SV2B: variants seen among roughly 807,000 people sequenced by gnomAD.
SV2B encodes solute carrier family 22 member B2.
In SV2B, 41 loss-of-function variants were observed where a neutral mutation model predicts 73.9. The ratio of observed to expected loss-of-function variants is 0.56; its 90% CI spans 0.43 to 0.72. The LOEUF (loss-of-function observed/expected upper bound fraction) is 0.72. SV2B is among the 30% of genes least tolerant of loss of function. SV2B has a pLI of 0.00. For synonymous variants in SV2B, 314 were observed against 314.2 expected (o/e 1.00, Z 0.01); for missense variants, 764 against 857.8 (o/e 0.89, Z 1.37).
chr15:91,240,927 C>G lies in SV2B; in HGVS notation c.452-10892C>G, dbSNP rs1314064705. Among the ~76,000 whole-genome samples the G allele has an allele frequency of 6.6e-6, 1 of 152,162 alleles. No individual in the cohort carries two copies. Among genetic ancestry groups the G allele is most frequent in the Non-Finnish European group, 1.5e-5 (1 of 68,024 alleles). Reference sequence around the variant, plus strand: ...CTTGCTCCCCCTGGACATTTCCAGGCCATTCTCCCTCTCTCCTCACTAAAA... The same window carrying G: ...CTTGCTCCCCCTGGACATTTCCAGGGCATTCTCCCTCTCTCCTCACTAAAA... On this transcript the variant is annotated intron_variant, in intron 2 of 12. Coordinates refer to ENST00000394232, the MANE Select transcript of SV2B (RefSeq NM_001323032.3). The surrounding 1 kb of genome is among the most constrained non-coding windows in gnomAD (Gnocchi z 4.6).
Position 91,201,009 on chromosome 15 carries a change from T to C in SV2B, c.-391-24864T>C, listed in dbSNP as rs138741379. 3.8e-3 allele frequency among the ~76,000 whole-genome samples: 574 copies of C among 152,358 alleles called. 11 individuals are homozygous for C. The highest frequency in any genetic ancestry group is 2.3e-3 in the Non-Finnish European group (155 of 68,036). The stretch of plus-strand genomic sequence containing the variant: ...CAGTATCTGAAAGGATTAATACATG[T>C]GTCATAAGATAACCATTTTATGTTT... On this transcript the variant is annotated intron_variant, in intron 1 of 12. Coordinates refer to ENST00000394232, the MANE Select transcript of SV2B (RefSeq NM_001323032.3).
In SV2B at chr15:91,290,505, A is replaced by G. The variant is rs1463853148; in HGVS notation, c.1868+825A>G. ...TGATTTTACATCTAGGAATCCTAAG[A>G]GAATTAACTTATGAGACCACTATAG... On this transcript the variant is annotated intron_variant, in intron 12 of 12. Coordinates refer to ENST00000394232, the MANE Select transcript of SV2B (RefSeq NM_001323032.3). The surrounding 1 kb of genome is among the most constrained non-coding windows in gnomAD (Gnocchi z 4.7). Among the ~76,000 whole-genome samples, 1 of 152,240 alleles carries G rather than the reference A, an allele frequency of 6.6e-6. No homozygotes were observed. The highest frequency in any genetic ancestry group is 1.5e-5 in the Non-Finnish European group (1 of 68,038).
At chr15:91,117,556 C>T (rs553541071) in intron 1 of SV2B, among the ~76,000 whole-genome samples, 1 of 152,350 alleles carries the variant, frequency 6.6e-6, no homozygotes, top group East Asian at 1.9e-4. Context: ...CTCATCTCTC[C>T]ACCAGATGCT....
chr15:91,252,621 A>G lies in SV2B; in HGVS notation c.784+101A>G, dbSNP rs2047533859. 3.2e-6 allele frequency: 4 copies of G among 1,267,402 alleles called. No individual in the cohort carries two copies. The highest frequency in any genetic ancestry group is 3.6e-5 in the Admixed American group (1 of 27,994). 78.5% of individuals were successfully genotyped at this position (1,267,402 alleles called of 1,614,324 possible). ...AGCCTTATTCCATGTACTCACGCAC[A>G]GTTCCCGTACGTGACCTTGATCTTT... On this transcript the variant is annotated intron_variant, in intron 4 of 12. Transcript: ENST00000394232. This position sits in a 1 kb window ranked among gnomAD's most constrained non-coding sequence, Gnocchi z 4.6.
At position 91,110,136 on chromosome 15, in the gene SV2B, G is replaced by T. The variant is rs2151726540; in HGVS notation, c.-392+9773G>T. ...GCTCATTTATCCATTAACGTGTTCTGTTCCTTCTTCTTAGCAGTGTTCATT... is the reference window on the plus strand; with the variant it reads ...GCTCATTTATCCATTAACGTGTTCTTTTCCTTCTTCTTAGCAGTGTTCATT... On this transcript the variant is annotated intron_variant, in intron 1 of 12. Transcript: ENST00000394232. This position sits in a 1 kb window ranked among gnomAD's most constrained non-coding sequence, Gnocchi z 5.4. 6.6e-6 allele frequency among the ~76,000 whole-genome samples: 1 copy of T among 152,286 alleles called. No individual in the cohort carries two copies. Among genetic ancestry groups the T allele is most frequent in the East Asian group, 1.9e-4 (1 of 5,180 alleles).
intron 1 of SV2B, among the ~76,000 whole-genome samples, chr15:91,218,371 G>A: frequency 6.6e-6 from 1 of 152,178 alleles, no homozygotes; most frequent in East Asian, 1.9e-4. Flanking sequence ...TACTTTAGAG[G>A]AAAGTCAGAA....
chr15:91,196,543 T>C (rs2045251606), intron 1 of SV2B, among the ~76,000 whole-genome samples: 1 of 152,110 alleles, frequency 6.6e-6, no homozygotes, highest in Non-Finnish European at 1.5e-5. Context: ...TATGGCTGGA[T>C]ATAAGATGGA....
chr15:91,179,067 T>C (rs1311544813), intron 1 of SV2B, among the ~76,000 whole-genome samples: 1 of 151,964 alleles, frequency 6.6e-6, no homozygotes, highest in Non-Finnish European at 1.5e-5. Flanking sequence ...GCTTTGAATG[T>C]GTCCCAGAGA....
chr15:91,212,978 TA>T (rs34863204), intron 1 of SV2B, among the ~76,000 whole-genome samples: 4,056 of 126,994 alleles, frequency 0.032, 114 homozygotes, highest in East Asian at 0.13. Flanking sequence ...CTGTCTCTAC[TA>T]AAAAAAAAAA....
In SV2B at chr15:91,285,333, C is replaced by A. The variant is rs553760304; in HGVS notation, c.1708+1112C>A. Among the ~76,000 whole-genome samples the A allele has an allele frequency of 8.5e-5, 13 of 152,328 alleles. No individual in the cohort carries two copies. The South Asian group carries it at 2.5e-3, about 29-fold the overall frequency. On this transcript the variant is annotated intron_variant, in intron 11 of 12. Coordinates refer to ENST00000394232, the MANE Select transcript of SV2B (RefSeq NM_001323032.3). ...ACTTCATGCTCTCCTCTATTAGAGG[C>A]AGTGCCTGGGTAGTCTTGAGGCCCT... is the stretch of plus-strand genomic sequence containing the variant.
chr15:91,191,698 C>A (rs868154774), intron 1 of SV2B, among the ~76,000 whole-genome samples: 3 of 152,180 alleles, frequency 2.0e-5, no homozygotes, highest in African/African-American at 7.2e-5. Flanking sequence ...AATTTTTCTC[C>A]TGCATAACCT....
rs891176838 is a variant in SV2B, at chr15:91,227,357, C to T, written c.451+643C>T. ...ATTAAGAGATCAGCACCATCAGAGC[C>T]AAGCATCAGCATCAGGCTGAGGCAG... On this transcript the variant is annotated intron_variant, in intron 2 of 12. Coordinates refer to ENST00000394232, the MANE Select transcript of SV2B (RefSeq NM_001323032.3). The surrounding 1 kb of genome is among the most constrained non-coding windows in gnomAD (Gnocchi z 4.5). Among the ~76,000 whole-genome samples, 10 of 152,278 alleles carry T rather than the reference C, an allele frequency of 6.6e-5. No individual in the cohort carries two copies. Among genetic ancestry groups the T allele is most frequent in the Middle Eastern group, 6.8e-3 (2 of 294 alleles).
intron 1 of SV2B, among the ~76,000 whole-genome samples, chr15:91,201,510 T>C (rs2045459391): frequency 6.6e-6 from 1 of 152,202 alleles, no homozygotes; most frequent in African/African-American, 2.4e-5. Context: ...TAGAATCTCT[T>C]TTCATAAGCC....
chr15:91,159,607 T>C lies in SV2B; in HGVS notation c.-392+59244T>C, dbSNP rs537695686. Among the ~76,000 whole-genome samples, 10 of 152,344 alleles carry C rather than the reference T, an allele frequency of 6.6e-5. No homozygotes were observed. In the South Asian group the frequency reaches 8.3e-4, roughly 13 times the overall value. ...TTGGAAATCAATAGCAAGCATTACA[T>C]TGAAAGATAGAAGACATTCCCATTC... On this transcript the variant is annotated intron_variant, in intron 1 of 12. Transcript: ENST00000394232.
In SV2B at chr15:91,137,306, C is replaced by T. The variant is rs982212032; in HGVS notation, c.-392+36943C>T. Among the ~76,000 whole-genome samples, 3 of 152,144 alleles carry T rather than the reference C, an allele frequency of 2.0e-5. No homozygotes were observed. Among genetic ancestry groups the T allele is most frequent in the African/African-American group, 7.2e-5 (3 of 41,420 alleles). On this transcript the variant is annotated intron_variant, in intron 1 of 12. Transcript: ENST00000394232. This position sits in a 1 kb window ranked among gnomAD's most constrained non-coding sequence, Gnocchi z 4.9. ...CCACCCTCATATTAGAGTCTACCCA[C>T]CTCCATTGTTTTAAAAATTGTGTGA...
At position 91,139,184 on chromosome 15, in the gene SV2B, T is replaced by A. The variant is rs1288012930; in HGVS notation, c.-392+38821T>A. ...TGGGCTGTGCTTCACAATCATCCAATGGTGGTGTGAAGGGAAGGAGGTTGG... is the reference window on the plus strand; with the variant it reads ...TGGGCTGTGCTTCACAATCATCCAAAGGTGGTGTGAAGGGAAGGAGGTTGG... On this transcript the variant is annotated intron_variant, in intron 1 of 12. Coordinates refer to ENST00000394232, the MANE Select transcript of SV2B (RefSeq NM_001323032.3). This position sits in a 1 kb window ranked among gnomAD's most constrained non-coding sequence, Gnocchi z 5.2. Among the ~76,000 whole-genome samples, 1 of 152,152 alleles carries A rather than the reference T, an allele frequency of 6.6e-6. No individual in the cohort carries two copies. Among genetic ancestry groups the A allele is most frequent in the Non-Finnish European group, 1.5e-5 (1 of 68,036 alleles).
At chr15:91,207,620 C>T (rs1362787300) in intron 1 of SV2B, among the ~76,000 whole-genome samples, 1 of 152,158 alleles carries the variant, frequency 6.6e-6, no homozygotes, top group Non-Finnish European at 1.5e-5. Context: ...AGGTTCATGG[C>T]TGACACCCCA....
rs2047776679 is a variant in SV2B, at chr15:91,258,364, T to C, written c.785-57T>C. The C allele has an allele frequency of 6.2e-7, 1 of 1,600,292 alleles. No individual in the cohort carries two copies. The highest frequency in any genetic ancestry group is 8.5e-7 in the Non-Finnish European group (1 of 1,173,596). On this transcript the variant is annotated intron_variant, in intron 4 of 12. Coordinates refer to ENST00000394232, the MANE Select transcript of SV2B (RefSeq NM_001323032.3). This position sits in a 1 kb window ranked among gnomAD's most constrained non-coding sequence, Gnocchi z 4.7. Reference sequence around the variant, plus strand: ...GTGAGCCAGGGCTTCAGAGTCACTCTTCCGTAGAGGAAAAGATCATGTCCC... The same window carrying C: ...GTGAGCCAGGGCTTCAGAGTCACTCCTCCGTAGAGGAAAAGATCATGTCCC...
intron 1 of SV2B, among the ~76,000 whole-genome samples, chr15:91,135,813 T>G (rs762224967): frequency 1.3e-5 from 2 of 152,204 alleles, no homozygotes; most frequent in Non-Finnish European, 2.9e-5. Flanking sequence ...GGGTTTGCAG[T>G]GATTATTTTT....
Sources: gnomAD v4.1 joint callset for allele counts (sites outside exome capture counted in the v4.1 genomes callset) on GRCh38, gnomAD v4.1.1 for gene constraint, Gnocchi (gnomAD v3.1) non-coding constraint, MANE v1.5 for transcripts, NCBI Gene and HGNC (gene_info 2026-07-23, HGNC 2026-07-21) for gene names.